KCNIP4: variants seen among roughly 807,000 people sequenced by gnomAD.
KCNIP4 encodes Kv channel-interacting protein 4.
Under a neutral mutation model 34.0 loss-of-function variants are expected in KCNIP4, and 12 were observed. The ratio of observed to expected loss-of-function variants is 0.35; its 90% confidence interval spans 0.23 to 0.57. The LOEUF is 0.57. KCNIP4 is among the 20% of genes least tolerant of loss of function. The probability of loss-of-function intolerance (pLI) is 0.83; values close to 1 mark genes in which losing one functional copy is unlikely to be tolerated. For synonymous variants in KCNIP4, 124 were observed against 102.2 expected (o/e 1.21, Z -1.29); for missense variants, 238 against 311.7 (o/e 0.76, Z 1.78).
chr4:21,010,547 G>C lies in KCNIP4; in HGVS notation c.62-127838C>G, dbSNP rs369139439. The stretch of plus-strand genomic sequence containing the variant: ...GCGATGAATTTGATTTTGGGAAATA[G>C]CAAAATTGCCTTTGGAGACAAGTTT... On this transcript the variant is annotated intron_variant, in intron 1 of 8. Coordinates refer to ENST00000382152, the MANE Select transcript of KCNIP4 (RefSeq NM_025221.6). Among the ~76,000 whole-genome samples the C allele has an allele frequency of 3.9e-5, 6 of 152,120 alleles. No homozygotes were observed. The East Asian group carries it at 1.2e-3, about 29-fold the overall frequency.
intron 1 of KCNIP4, among the ~76,000 whole-genome samples, chr4:21,280,386 A>G (rs1269577073): frequency 6.6e-6 from 1 of 152,202 alleles, no homozygotes; most frequent in Non-Finnish European, 1.5e-5. Context: ...ACAATATGTC[A>G]GAAACAGACA....
At chr4:21,916,852 T>G (rs973300138) in intron 1 of KCNIP4, among the ~76,000 whole-genome samples, 5 of 152,314 alleles carry the variant, frequency 3.3e-5, no homozygotes, top group Admixed American at 3.3e-4. Context: ...TCAAAGCTTC[T>G]CCCTCTGTTT....
At chr4:21,253,135 G>A (rs1760836639) in intron 1 of KCNIP4, among the ~76,000 whole-genome samples, 1 of 152,122 alleles carries the variant, frequency 6.6e-6, no homozygotes, top group Non-Finnish European at 1.5e-5. Flanking sequence ...GTCTGACGCT[G>A]AATGTGCTTT....
chr4:21,648,306 T>C (rs1560591359), intron 1 of KCNIP4, among the ~76,000 whole-genome samples: 1 of 152,212 alleles, frequency 6.6e-6, no homozygotes, highest in Non-Finnish European at 1.5e-5. Flanking sequence ...TAAGCTGTAA[T>C]GTCACATGTT....
At chr4:21,315,691 A>G (rs2109286017) in intron 1 of KCNIP4, among the ~76,000 whole-genome samples, 1 of 152,290 alleles carries the variant, frequency 6.6e-6, no homozygotes, top group East Asian at 1.9e-4. Flanking sequence ...TTTGCTCCCA[A>G]GGTATACCCA....
intron 3 of KCNIP4, among the ~76,000 whole-genome samples, chr4:20,814,264 G>C (rs1004555765): frequency 6.6e-6 from 1 of 152,244 alleles, no homozygotes; most frequent in Admixed American, 6.5e-5. Context: ...CTGATATTTA[G>C]GACTTATCTG....
chr4:20,996,772 T>A (rs1388562621), intron 1 of KCNIP4, among the ~76,000 whole-genome samples: 1 of 151,936 alleles, frequency 6.6e-6, no homozygotes, highest in Non-Finnish European at 1.5e-5. Context: ...CTTCTTTTTT[T>A]TAAATGCCTC....
intron 1 of KCNIP4, among the ~76,000 whole-genome samples, chr4:21,894,479 A>T (rs1211440982): frequency 6.6e-6 from 1 of 152,176 alleles, no homozygotes; most frequent in African/African-American, 2.4e-5. Context: ...AGGCACTACA[A>T]AAATAATAGG....
At chr4:21,486,327 G>A (rs1731911990) in intron 1 of KCNIP4, among the ~76,000 whole-genome samples, 1 of 152,036 alleles carries the variant, frequency 6.6e-6, no homozygotes, top group Non-Finnish European at 1.5e-5. Context: ...GCTTGGATTG[G>A]GACACGGATT....
At chr4:21,937,995 C>T (rs1241045163) in intron 1 of KCNIP4, among the ~76,000 whole-genome samples, 1 of 152,064 alleles carries the variant, frequency 6.6e-6, no homozygotes, top group East Asian at 1.9e-4. Flanking sequence ...GACTACTGTC[C>T]AGCTTCCCAT....
chr4:20,743,858 C>T (rs1206096491), intron 5 of KCNIP4, among the ~76,000 whole-genome samples: 16 of 151,778 alleles, frequency 1.1e-4, no homozygotes, highest in Admixed American at 2.0e-4. Flanking sequence ...AGAAAATTTT[C>T]GCAACCTACT....
chr4:21,037,249 A>G (rs1741532978), intron 1 of KCNIP4, among the ~76,000 whole-genome samples: 1 of 152,190 alleles, frequency 6.6e-6, no homozygotes, highest in Non-Finnish European at 1.5e-5. Context: ...TACAGTGTGT[A>G]TAAAGTCTAC....
intron 1 of KCNIP4, among the ~76,000 whole-genome samples, chr4:21,755,209 G>T (rs1288437375): frequency 1.3e-5 from 2 of 152,130 alleles, no homozygotes; most frequent in African/African-American, 4.8e-5. Flanking sequence ...GGCTGTCTCT[G>T]CCAGTAGTTA....
At position 20,758,859 on chromosome 4, in the gene KCNIP4, G is replaced by T. The variant is rs761557616; in HGVS notation, c.320C>A (p.Thr107Asn). 1 of 1,613,172 alleles carries T rather than the reference G, an allele frequency of 6.2e-7. No individual in the cohort carries two copies. Among genetic ancestry groups the T allele is most frequent in the Admixed American group, 1.7e-5 (1 of 59,946 alleles). ...ECPSGVVNEE[T>N]FKEIYSQFFP... ...GAACTGCGAGTAAATCTCTTTGAAG[G>T]TTTCTTCATTAACAACACCACTGGG... Residue 107 changes from threonine to asparagine, a missense_variant, in exon 4 of 9, where the codon ACC becomes AAC. Physicochemically the swap from Thr to Asn is moderately conservative, Grantham distance 65. Coordinates refer to ENST00000382152, the MANE Select transcript of KCNIP4 (RefSeq NM_025221.6).
chr4:20,787,464 T>G (rs968006138), intron 3 of KCNIP4, among the ~76,000 whole-genome samples: 1 of 152,098 alleles, frequency 6.6e-6, no homozygotes, highest in Non-Finnish European at 1.5e-5. Context: ...TTTTAGAGGT[T>G]TTTTCTCCTC....
At chr4:21,103,360 T>C (rs1748130806) in intron 1 of KCNIP4, among the ~76,000 whole-genome samples, 1 of 146,844 alleles carries the variant, frequency 6.8e-6, no homozygotes, top group Non-Finnish European at 1.5e-5. Flanking sequence ...ATAATATATA[T>C]AATATATAAG....
chr4:20,829,234 G>T (rs1367178697), intron 3 of KCNIP4, among the ~76,000 whole-genome samples: 1 of 151,272 alleles, frequency 6.6e-6, no homozygotes, highest in Non-Finnish European at 1.5e-5. Flanking sequence ...TTGAGACGGA[G>T]TCTCACTCTG....
chr4:21,678,689 T>A (rs1380840909), intron 1 of KCNIP4, among the ~76,000 whole-genome samples: 1 of 152,202 alleles, frequency 6.6e-6, no homozygotes, highest in Non-Finnish European at 1.5e-5. Context: ...CTGAAATTTG[T>A]GTTCCCAGAT....
At chr4:21,432,834 A>G (rs1726609862) in intron 1 of KCNIP4, among the ~76,000 whole-genome samples, 1 of 152,218 alleles carries the variant, frequency 6.6e-6, no homozygotes, top group Non-Finnish European at 1.5e-5. Context: ...AACATGGACC[A>G]GGTCAGATAG....
Sources: allele counts gnomAD v4.1 joint callset (sites outside exome capture counted in the v4.1 genomes callset), GRCh38; gene constraint gnomAD v4.1.1; transcripts MANE v1.5; gene names NCBI Gene and HGNC (gene_info 2026-07-23, HGNC 2026-07-21).